Variants in MTMR9 observed in about 807,000 individuals in gnomAD.
The protein encoded by MTMR9 is myotubularin-related protein 9.
MTMR9 carries 39 observed loss-of-function variants against 69.5 expected under a neutral mutation model. The ratio of observed to expected loss-of-function variants is 0.56; its 90% CI spans 0.43 to 0.73. The LOEUF (loss-of-function observed/expected upper bound fraction) is 0.73, where lower values mean the gene tolerates loss of function less well. Among genes scored for constraint, MTMR9 ranks in the 30% least tolerant of loss-of-function variants. MTMR9 has a pLI of 0.00. For missense variants in MTMR9, 900 were observed against 671.2 expected (o/e 1.34, Z -3.77); for synonymous variants, 354 against 240.8 (o/e 1.47, Z -4.35).
chr8:11,337,940 A>G, the MTMR9 span, among the ~76,000 whole-genome samples: 1 of 152,234 alleles, frequency 6.6e-6, no homozygotes, highest in Non-Finnish European at 1.5e-5. Context: ...ATATAAATAG[A>G]ATCAAATCTC....
rs757737190 is a variant in MTMR9 at position 11,285,005 on chromosome 8, C to T, written c.117C>T (p.Ser39=). 1.9e-6 allele frequency: 3 copies of T among 1,613,702 alleles called. No individual in the cohort carries two copies. Among genetic ancestry groups the T allele is most frequent in the Non-Finnish European group, 2.5e-6 (3 of 1,179,864 alleles). The change falls in exon 1 of 10, where the codon TCC becomes TCT. Residue 39 remains serine, a synonymous_variant. Transcript: ENST00000221086. Reference sequence around the variant, plus strand: ...TGACGGGCCACCACTTGATCCTGTCCTCCCGGCAGGACAATACGGAGGAGC... The same window carrying T: ...TGACGGGCCACCACTTGATCCTGTCTTCCCGGCAGGACAATACGGAGGAGC... The part of the protein sequence containing the change: ...LCLTGHHLIL[S]SRQDNTEELW...
chr8:11,322,549 A>C, intron 9 of MTMR9, 76 bp from the exon 10 acceptor site: 1 of 1,258,306 alleles, frequency 7.9e-7, no homozygotes, highest in Non-Finnish European at 1.1e-6. Flanking sequence ...CATAAATTAC[A>C]TCTTATCCAC....
At position 11,306,268 on chromosome 8, in the gene MTMR9, A is replaced by T. The variant is rs750225160; in HGVS notation, c.670A>T (p.Thr224Ser). The T allele has an allele frequency of 1.9e-5, 31 of 1,613,946 alleles. No homozygotes were observed. Among genetic ancestry groups the T allele is most frequent in the African/African-American group, 2.7e-5 (2 of 74,928 alleles). ...CKEDEKLINATLRAGKRGYII... is the reference protein window; with the variant it reads ...CKEDEKLINASLRAGKRGYII... Reference sequence around the variant, plus strand: ...GGAGGACGAGAAGCTGATAAATGCTACCCTCAGGGCTGGAAAGCGTGGCTA... The same window carrying T: ...GGAGGACGAGAAGCTGATAAATGCTTCCCTCAGGGCTGGAAAGCGTGGCTA... The change falls in exon 5 of 10, where the codon ACC becomes TCC. Residue 224 changes from threonine (T) to serine (S), a missense_variant. Thr to Ser is a moderately conservative substitution (Grantham distance 58, BLOSUM62 1). Coordinates refer to ENST00000221086, the MANE Select transcript of MTMR9 (RefSeq NM_015458.4).
intron 7 of MTMR9, 25 bp from the exon 8 acceptor site, chr8:11,316,648 T>C: frequency 6.6e-7 from 1 of 1,521,876 alleles, no homozygotes; most frequent in Non-Finnish European, 8.9e-7. Flanking sequence ...AGGATATGAC[T>C]GTCACGCCTC....
At chr8:11,339,222 A>G in the MTMR9 span, among the ~76,000 whole-genome samples, 6 of 152,236 alleles carry the variant, frequency 3.9e-5, no homozygotes, top group Admixed American at 1.3e-4. Context: ...GGTAGCTCCA[A>G]TCAAACAGCT....
At chr8:11,291,867 A>G (rs912215776) in intron 1 of MTMR9, among the ~76,000 whole-genome samples, 3 of 152,052 alleles carry the variant, frequency 2.0e-5, no homozygotes, top group Non-Finnish European at 4.4e-5. Context: ...AAGCAGAATG[A>G]CAGTGATTTT....
At chr8:11,333,775 T>C in the MTMR9 span, among the ~76,000 whole-genome samples, 1 of 152,248 alleles carries the variant, frequency 6.6e-6, no homozygotes, top group Admixed American at 6.5e-5. Context: ...AATGAAAGGA[T>C]GGTAGACAGT....
chr8:11,334,216 C>T, the MTMR9 span, among the ~76,000 whole-genome samples: 2 of 152,100 alleles, frequency 1.3e-5, no homozygotes, highest in African/African-American at 4.8e-5. Context: ...TGGACTAAGA[C>T]ACTGGTAAAG....
At chr8:11,331,867 G>A, downstream of MTMR9, 6 of 1,612,042 alleles carry the variant, frequency 3.7e-6, no homozygotes, top group Non-Finnish European at 5.1e-6. Flanking sequence ...CTGAGTTGGA[G>A]TTGTGTGGGG....
chr8:11,305,981 A>G (rs1205950649), intron 4 of MTMR9, among the ~76,000 whole-genome samples: 2 of 152,250 alleles, frequency 1.3e-5, no homozygotes, highest in African/African-American at 4.8e-5. Flanking sequence ...ATTTTGAGAC[A>G]GAGAAATTGT....
chr8:11,288,827 G>A (rs1799282127), intron 1 of MTMR9, among the ~76,000 whole-genome samples: 1 of 152,178 alleles, frequency 6.6e-6, no homozygotes, highest in African/African-American at 2.4e-5. Context: ...ACTGTAGGGG[G>A]GCAAGACTGG....
At chr8:11,312,141 C>A (rs766771529) in intron 6 of MTMR9, among the ~76,000 whole-genome samples, 1 of 151,858 alleles carries the variant, frequency 6.6e-6, no homozygotes, top group African/African-American at 2.4e-5. Flanking sequence ...AACTCCTGGG[C>A]TCAAATGATT....
At chr8:11,333,934 CAT>C in the MTMR9 span, among the ~76,000 whole-genome samples, 1 of 152,206 alleles carries the variant, frequency 6.6e-6, no homozygotes, top group Non-Finnish European at 1.5e-5. Flanking sequence ...GCTCTGCCCT[CAT>C]ATATGGATTA....
intron 5 of MTMR9, among the ~76,000 whole-genome samples, chr8:11,308,802 C>G (rs1464097163): frequency 6.6e-6 from 1 of 152,082 alleles, no homozygotes; most frequent in Non-Finnish European, 1.5e-5. Flanking sequence ...TTTGAACAGC[C>G]AGCCTTTGTG....
intron 2 of MTMR9, among the ~76,000 whole-genome samples, chr8:11,298,519 A>G (rs1799633102): frequency 6.6e-6 from 1 of 152,088 alleles, no homozygotes; most frequent in African/African-American, 2.4e-5. Context: ...TGTTTTTGCT[A>G]CACTGCTGAG....
chr8:11,313,182 C>G (rs536705696), intron 6 of MTMR9, among the ~76,000 whole-genome samples: 1 of 152,346 alleles, frequency 6.6e-6, no homozygotes, highest in East Asian at 1.9e-4. Context: ...CCTTAAACCT[C>G]ATGAACCAGC....
intron 8 of MTMR9, chr8:11,317,164 G>T (rs1049784194): frequency 4.3e-5 from 10 of 229,978 alleles, no homozygotes; most frequent in Non-Finnish European, 8.3e-5. Context: ...TAGGATCATA[G>T]TATCTTACAT....
intron 8 of MTMR9, 96 bp from the exon 9 acceptor site, chr8:11,319,591 C>T (rs1282975776): frequency 7.7e-7 from 1 of 1,296,666 alleles, no homozygotes; most frequent in Non-Finnish European, 1.1e-6. Context: ...ATTCTATCTT[C>T]TTTCATACTG....
At chr8:11,314,760 A>G (rs993966287) in intron 6 of MTMR9, among the ~76,000 whole-genome samples, 163 bp from the exon 7 acceptor site, 3 of 152,226 alleles carry the variant, frequency 2.0e-5, no homozygotes, top group Admixed American at 1.3e-4. Context: ...TTAGATTTAG[A>G]TTCTGAACTC....
Sources: gnomAD v4.1 joint callset for allele counts (sites outside exome capture counted in the v4.1 genomes callset) on GRCh38, gnomAD v4.1.1 for gene constraint, MANE v1.5 for transcripts, NCBI Gene and HGNC (gene_info 2026-07-23, HGNC 2026-07-21) for gene names.